EMC8: variants seen among roughly 807,000 people sequenced by gnomAD.
The protein encoded by EMC8 is ER membrane protein complex subunit 8.
In EMC8, 11 loss-of-function variants were observed where a neutral mutation model predicts 24.3. The ratio of observed to expected loss-of-function variants is 0.45; its 90% CI spans 0.28 to 0.75. The LOEUF (loss-of-function observed/expected upper bound fraction) is 0.75, where lower values mean the gene tolerates loss of function less well. Ranked by LOEUF, EMC8 falls within the 30% of genes least tolerant of loss-of-function variation. The probability of loss-of-function intolerance (pLI) is 0.12; values close to 1 mark genes in which losing one functional copy is unlikely to be tolerated. For synonymous variants in EMC8, 145 were observed against 117.7 expected (o/e 1.23, Z -1.50); for missense variants, 277 against 282.7 (o/e 0.98, Z 0.14).
intron 3 of EMC8, chr16:85,780,869 C>A (rs989819824): frequency 1.1e-5 from 5 of 446,148 alleles, no homozygotes; most frequent in Non-Finnish European, 2.1e-5. Context: ...AGACCAGAAT[C>A]ATCTAGAAGG....
chr16:85,782,945 T>A (rs1206712534), intron 2 of EMC8, among the ~76,000 whole-genome samples: 4 of 152,224 alleles, frequency 2.6e-5, no homozygotes, highest in Admixed American at 2.6e-4. Flanking sequence ...CAGGGGCTTC[T>A]AAAACTGCTT....
intron 1 of EMC8, among the ~76,000 whole-genome samples, chr16:85,794,363 C>A (rs8057266): frequency 0.046 from 6,975 of 152,144 alleles, 542 homozygotes; most frequent in African/African-American, 0.16. Flanking sequence ...TCATATTTGC[C>A]CACTGCTGAG....
intron 3 of EMC8, 171 bp downstream of exon 3, chr16:85,781,040 G>A (rs1904469843): frequency 5.0e-6 from 3 of 596,096 alleles, no homozygotes; most frequent in East Asian, 5.6e-5. Context: ...CAGAAGCCAT[G>A]GCCTGGGATT....
At chr16:85,780,817 G>T (rs1378245642) in intron 3 of EMC8, 2 of 448,410 alleles carry the variant, frequency 4.5e-6, no homozygotes, top group Non-Finnish European at 8.2e-6. Flanking sequence ...CCTAGAGGCT[G>T]TGCTGGCTGT....
chr16:85,785,896 G>C (rs965023814), intron 2 of EMC8, among the ~76,000 whole-genome samples: 6 of 151,984 alleles, frequency 3.9e-5, no homozygotes, highest in African/African-American at 1.5e-4. Flanking sequence ...CCTCAGGCCA[G>C]GGCTCTCTGC....
Position 85,799,073 on chromosome 16 carries a change from G to C in EMC8, c.223C>G (p.Leu75Val), listed in dbSNP as rs1408945839. Reference sequence around the variant, plus strand: ...GCCCTTTCCGCGCTTACCAGGGTGAGAGCCACCTCCAGCATGGGGGCGAGG... The same window carrying C: ...GCCCTTTCCGCGCTTACCAGGGTGACAGCCACCTCCAGCATGGGGGCGAGG... ...LALAPMLEVA[L>V]TLIDSWCKDH... The change falls in exon 1 of 5, where the codon CTC becomes GTC. Residue 75 changes from leucine (L) to valine (V), a missense_variant. Transcript: ENST00000253457. This position sits in a 1 kb window ranked among gnomAD's most constrained non-coding sequence, Gnocchi z 4.2. 3.2e-6 allele frequency: 5 copies of C among 1,549,516 alleles called. No individual in the cohort carries two copies. Among genetic ancestry groups the C allele is most frequent in the East Asian group, 2.4e-5 (1 of 41,240 alleles).
At chr16:85,796,917 C>T (rs1019731488) in intron 1 of EMC8, among the ~76,000 whole-genome samples, 2 of 152,234 alleles carry the variant, frequency 1.3e-5, no homozygotes, top group East Asian at 3.8e-4. Context: ...GCTTGCTGCA[C>T]CTTCAAGTGC....
intron 2 of EMC8, among the ~76,000 whole-genome samples, chr16:85,782,185 G>A (rs888531255): frequency 1.3e-5 from 2 of 152,190 alleles, no homozygotes; most frequent in African/African-American, 4.8e-5. Context: ...CCATCTGCAC[G>A]CTAGCAAAGC....
intron 2 of EMC8, among the ~76,000 whole-genome samples, chr16:85,782,372 G>C (rs1904548596): frequency 6.6e-6 from 1 of 152,172 alleles, no homozygotes; most frequent in Admixed American, 6.5e-5. Context: ...AGTTAATAGA[G>C]CTAATAATAG....
chr16:85,787,995 A>G (rs890237760), intron 2 of EMC8, among the ~76,000 whole-genome samples: 15 of 152,198 alleles, frequency 9.9e-5, no homozygotes, highest in South Asian at 6.2e-4. Context: ...ACCCAACGGC[A>G]GGGCCCTTCA....
intron 1 of EMC8, 122 bp from the exon 2 acceptor site, chr16:85,789,172 C>A: frequency 1.4e-6 from 1 of 722,520 alleles, no homozygotes; most frequent in Non-Finnish European, 2.5e-6. Flanking sequence ...AATCCTCATA[C>A]CCTACACCCC....
At chr16:85,787,752 A>T (rs1904820130) in intron 2 of EMC8, 1 of 152,228 alleles carries the variant, frequency 6.6e-6, no homozygotes, top group African/African-American at 2.4e-5. Context: ...GCTTCAGCGG[A>T]CTGACTTTGA....
chr16:85,796,028 C>T (rs1905232268), intron 1 of EMC8, among the ~76,000 whole-genome samples: 1 of 152,084 alleles, frequency 6.6e-6, no homozygotes, highest in African/African-American at 2.4e-5. Flanking sequence ...AGAGCTTTTC[C>T]CTACGCAGTC....
chr16:85,788,760 C>T lies in EMC8; in HGVS notation c.308+214G>A, dbSNP rs1597205026. The T allele has an allele frequency of 5.2e-6, 3 of 577,070 alleles. No individual in the cohort carries two copies. In the East Asian group the frequency reaches 8.9e-5, roughly 17 times the overall value. The allele number at this position is 577,070 out of a possible 1,614,324, so 35.7% of individuals were successfully genotyped here. ...TTCCCTTCATGCAAAATAAAGAAGA[C>T]ACAAAACAGAATTCCAAAGTTAATA... On this transcript the variant is annotated intron_variant, in intron 2 of 4. Coordinates refer to ENST00000253457, the MANE Select transcript of EMC8 (RefSeq NM_006067.5).
intron 1 of EMC8, among the ~76,000 whole-genome samples, chr16:85,793,280 T>A (rs1020997983): frequency 3.9e-5 from 6 of 152,328 alleles, no homozygotes; most frequent in East Asian, 1.9e-4. Flanking sequence ...ACTTGCCACT[T>A]ACCAACAAGA....
At chr16:85,784,628 G>A (rs940047151) in intron 2 of EMC8, 1 of 152,052 alleles carries the variant, frequency 6.6e-6, no homozygotes, top group Non-Finnish European at 1.5e-5. Flanking sequence ...CTAGCGCAGA[G>A]GGAAGGCAGT....
intron 2 of EMC8, among the ~76,000 whole-genome samples, chr16:85,788,217 G>T (rs1567829901): frequency 6.6e-6 from 1 of 152,278 alleles, no homozygotes; most frequent in Non-Finnish European, 1.5e-5. Flanking sequence ...GGGAGGCCAC[G>T]TCAGGCTGGC....
rs528125460 is a variant in EMC8, at chr16:85,782,465, CG to C, written c.309-1186del. On this transcript the variant is annotated intron_variant, in intron 2 of 4. Transcript: ENST00000253457. ...CTATGCCAGGAAGGGGCCTTCTCCT[CG>C]GGGGCCTTATTTATATTCTTTCTGT... is the stretch of plus-strand genomic sequence containing the variant. Among the ~76,000 whole-genome samples, 395 of 152,308 alleles carry C rather than the reference CG, an allele frequency of 2.6e-3. 2 individuals carry two copies. The highest frequency in any genetic ancestry group is 8.6e-3 in the African/African-American group (358 of 41,574).
At chr16:85,782,168 G>A (rs1904536704) in intron 2 of EMC8, among the ~76,000 whole-genome samples, 1 of 152,154 alleles carries the variant, frequency 6.6e-6, no homozygotes, top group Non-Finnish European at 1.5e-5. Context: ...TCCCGGGCCC[G>A]CCTTCTCCAT....
Sources: gnomAD v4.1 joint callset for allele counts (sites outside exome capture counted in the v4.1 genomes callset) on GRCh38, gnomAD v4.1.1 for gene constraint, Gnocchi (gnomAD v3.1) non-coding constraint, MANE v1.5 for transcripts, NCBI Gene and HGNC (gene_info 2026-07-23, HGNC 2026-07-21) for gene names.